DPP10: variants seen among roughly 807,000 people sequenced by gnomAD.
DPP10 encodes dipeptidyl peptidase like 10, also known as inactive dipeptidyl peptidase 10.
A neutral mutation model predicts 120.9 loss-of-function variants in DPP10; 33 were observed. That is an observed-to-expected ratio of 0.27 (90% CI 0.21 to 0.37). The LOEUF is 0.37. Ranked by LOEUF, DPP10 falls within the 10% of genes least tolerant of loss-of-function variation. DPP10 has a pLI of 1.00. For synonymous variants in DPP10, 337 were observed against 326.1 expected, an observed-to-expected ratio of 1.03 and a Z score of -0.36; for missense variants, 816 against 942.8, an observed-to-expected ratio of 0.87 and a Z score of 1.76.
At chr2:115,198,569 T>C (rs2055456033) in intron 1 of DPP10, among the ~76,000 whole-genome samples, 1 of 152,242 alleles carries the variant, frequency 6.6e-6, no homozygotes, top group East Asian at 1.9e-4. Context: ...TCTTCATGTG[T>C]TACTCCTTCA....
In DPP10 at chr2:115,387,678, A is replaced by G. The variant is rs967531236; in HGVS notation, c.271+43766A>G. Among the ~76,000 whole-genome samples the G allele has an allele frequency of 5.9e-5, 9 of 152,304 alleles. No individual in the cohort carries two copies. The South Asian group carries it at 1.0e-3, about 18-fold the overall frequency. ...ATCTGAAATTCAAACTTAATTGGGT[A>G]TGTAATGTTTTTATTCATTAGATTT... On this transcript the variant is annotated intron_variant, in intron 3 of 25. Transcript: ENST00000410059.
intron 1 of DPP10, among the ~76,000 whole-genome samples, chr2:114,604,423 C>T (rs1411035338): frequency 1.3e-5 from 2 of 152,124 alleles, no homozygotes; most frequent in Non-Finnish European, 2.9e-5. Context: ...AGTTGCGTGC[C>T]AGGACACAAG....
intron 7 of DPP10, among the ~76,000 whole-genome samples, chr2:115,708,473 A>T (rs1559056800): frequency 6.6e-6 from 1 of 152,010 alleles, no homozygotes; most frequent in Non-Finnish European, 1.5e-5. Flanking sequence ...AATTCTTTCA[A>T]AATTATCCTA....
chr2:115,682,603 A>G (rs752832125), intron 5 of DPP10, among the ~76,000 whole-genome samples: 1 of 151,832 alleles, frequency 6.6e-6, no homozygotes, highest in Non-Finnish European at 1.5e-5. Flanking sequence ...CCTTTGGGGT[A>G]ATAAAGTATA....
chr2:115,476,224 C>A (rs764379205), intron 3 of DPP10, among the ~76,000 whole-genome samples: 3 of 152,000 alleles, frequency 2.0e-5, no homozygotes, highest in Non-Finnish European at 4.4e-5. Context: ...ATTTTCCTTT[C>A]GATGTTGTTT....
intron 1 of DPP10, among the ~76,000 whole-genome samples, chr2:114,561,244 T>C (rs1274133487): frequency 1.3e-5 from 2 of 152,360 alleles, no homozygotes; most frequent in South Asian, 4.1e-4. Flanking sequence ...TTAGCTCTCT[T>C]GCTATCCATA....
At chr2:115,306,338 A>T (rs1374155279) in intron 1 of DPP10, among the ~76,000 whole-genome samples, 1 of 152,098 alleles carries the variant, frequency 6.6e-6, no homozygotes, top group Non-Finnish European at 1.5e-5. Flanking sequence ...ATGGAACAGA[A>T]TTAGGAATGG....
At chr2:114,995,274 A>G (rs1205866305) in intron 1 of DPP10, among the ~76,000 whole-genome samples, 5 of 152,292 alleles carry the variant, frequency 3.3e-5, no homozygotes, top group South Asian at 4.1e-4. Context: ...TGCATAACCA[A>G]TATGGTTGCT....
intron 1 of DPP10, among the ~76,000 whole-genome samples, chr2:115,014,961 A>G (rs554026075): frequency 6.6e-6 from 1 of 152,058 alleles, no homozygotes; most frequent in Admixed American, 6.5e-5. Context: ...AAACTCTTCC[A>G]ATCAATAGAA....
At chr2:114,801,285 A>AAGG (rs777869064) in intron 1 of DPP10, among the ~76,000 whole-genome samples, 15 of 34,264 alleles carry the variant, frequency 4.4e-4, no homozygotes, top group Non-Finnish European at 1.0e-3. Context: ...AAAAAGAAAA[A>AAGG]AAGAAAGAAA....
chr2:114,530,643 G>A (rs1269147242), intron 1 of DPP10, among the ~76,000 whole-genome samples: 1 of 151,886 alleles, frequency 6.6e-6, no homozygotes. Context: ...TGCCCTCCAG[G>A]GTTCCTTCCA....
chr2:114,856,562 G>A (rs1558813299), intron 1 of DPP10, among the ~76,000 whole-genome samples: 1 of 152,074 alleles, frequency 6.6e-6, no homozygotes, highest in Non-Finnish European at 1.5e-5. Flanking sequence ...CAATGAAAAA[G>A]CATAAAGTAC....
At chr2:115,312,730 G>A (rs1207827907) in intron 2 of DPP10, among the ~76,000 whole-genome samples, 1 of 152,116 alleles carries the variant, frequency 6.6e-6, no homozygotes, top group African/African-American at 2.4e-5. Flanking sequence ...TAAACATGCA[G>A]CATCATCCCT....
chr2:115,157,124 A>G (rs2051968773), intron 1 of DPP10, among the ~76,000 whole-genome samples: 1 of 152,066 alleles, frequency 6.6e-6, no homozygotes, highest in Admixed American at 6.6e-5. Flanking sequence ...ATTCAGCTAC[A>G]TGTATACAGA....
At chr2:115,266,351 AC>A (rs2059461487) in intron 1 of DPP10, among the ~76,000 whole-genome samples, 1 of 152,176 alleles carries the variant, frequency 6.6e-6, no homozygotes, top group South Asian at 2.1e-4. Flanking sequence ...TTCGATATGC[AC>A]CATGGTCACC....
intron 1 of DPP10, among the ~76,000 whole-genome samples, chr2:115,254,319 C>A (rs147992651): frequency 5.9e-5 from 9 of 152,248 alleles, no homozygotes; most frequent in South Asian, 4.1e-4. Context: ...AAAACTCACT[C>A]ATTATGATGA....
intron 1 of DPP10, among the ~76,000 whole-genome samples, chr2:114,775,068 G>C (rs1025464266): frequency 2.0e-5 from 3 of 151,996 alleles, no homozygotes; most frequent in African/African-American, 7.2e-5. Context: ...AGCCAATCTG[G>C]GTCCTGGTCC....
At chr2:115,668,734 A>G (rs1016850513) in intron 5 of DPP10, among the ~76,000 whole-genome samples, 1 of 152,052 alleles carries the variant, frequency 6.6e-6, no homozygotes, top group Non-Finnish European at 1.5e-5. Context: ...TCTGTCTCAG[A>G]GAAGGTCGTT....
chr2:115,642,264 GT>G (rs1319560929), intron 5 of DPP10, among the ~76,000 whole-genome samples: 2 of 151,760 alleles, frequency 1.3e-5, no homozygotes, highest in Non-Finnish European at 2.9e-5. Context: ...CAGATATTTG[GT>G]CAAACATTCC....
Sources: allele counts gnomAD v4.1 joint callset (sites outside exome capture counted in the v4.1 genomes callset), GRCh38; gene constraint gnomAD v4.1.1; transcripts MANE v1.5; gene names NCBI Gene and HGNC (gene_info 2026-07-23, HGNC 2026-07-21).